RNGTT: variants seen among roughly 807,000 people sequenced by gnomAD.
The protein encoded by RNGTT is RNA guanylyltransferase and 5'-phosphatase.
Under a neutral mutation model 79.3 loss-of-function variants are expected in RNGTT, and 33 were observed. The observed-to-expected ratio is 0.42, with a 90% CI of 0.32 to 0.56. The LOEUF (loss-of-function observed/expected upper bound fraction) is 0.56. Ranked by LOEUF, RNGTT falls within the 20% of genes least tolerant of loss-of-function variation. The probability of loss-of-function intolerance (pLI) is 0.17; values close to 1 mark genes in which losing one functional copy is unlikely to be tolerated. For missense variants in RNGTT, 497 were observed against 739.1 expected (o/e 0.67, Z 3.80); for synonymous variants, 222 against 235.9 (o/e 0.94, Z 0.54).
At chr6:88,618,958 C>T (rs375195200) in intron 14 of RNGTT, among the ~76,000 whole-genome samples, 49 of 152,184 alleles carry the variant, frequency 3.2e-4, no homozygotes, top group African/African-American at 1.2e-3. Flanking sequence ...AGATTTGTCC[C>T]TTCTCCCCTA....
intron 11 of RNGTT, among the ~76,000 whole-genome samples, chr6:88,802,316 T>C (rs1779817279): frequency 6.7e-6 from 1 of 149,070 alleles, no homozygotes; most frequent in Non-Finnish European, 1.5e-5. Context: ...GAGAATTTCA[T>C]TGCAAAGAAT....
intron 9 of RNGTT, among the ~76,000 whole-genome samples, chr6:88,851,378 C>T (rs540428559): frequency 4.2e-4 from 64 of 151,840 alleles, no homozygotes; most frequent in Non-Finnish European, 6.5e-4. Context: ...TATAAAATGT[C>T]ATCTCTTGAT....
At chr6:88,804,948 C>T (rs9362562) in intron 11 of RNGTT, among the ~76,000 whole-genome samples, 2,496 of 152,282 alleles carry the variant, frequency 0.016, 28 homozygotes, top group East Asian at 0.051. Flanking sequence ...TCATTCATTC[C>T]ATAGATCTAT....
chr6:88,696,229 C>T (rs886752912), intron 13 of RNGTT, among the ~76,000 whole-genome samples: 2 of 152,118 alleles, frequency 1.3e-5, no homozygotes, highest in Non-Finnish European at 2.9e-5. Flanking sequence ...ACTTTGTATA[C>T]ATATAACATC....
intron 13 of RNGTT, among the ~76,000 whole-genome samples, chr6:88,704,259 CAAA>C (rs35623392): frequency 1.4e-4 from 7 of 48,732 alleles, no homozygotes; most frequent in East Asian, 1.2e-3. Context: ...GACTCTGTCT[CAAA>C]AAAAAAAAAA....
intron 11 of RNGTT, among the ~76,000 whole-genome samples, chr6:88,803,459 AGCTACTACTCACAAGGCCGAG>A (rs1464111887): frequency 1.3e-5 from 2 of 151,526 alleles, no homozygotes; most frequent in Admixed American, 1.3e-4. Flanking sequence ...CTGTAGTCCC[AGCTACTACTCACAAGGCCGAG>A]GCAGGAGAAT....
intron 13 of RNGTT, among the ~76,000 whole-genome samples, chr6:88,696,050 CA>C (rs1775651932): frequency 6.6e-6 from 1 of 152,134 alleles, no homozygotes; most frequent in Admixed American, 6.6e-5. Context: ...TTCAATTAGA[CA>C]AGAAGAAAAA....
chr6:88,901,941 C>T, intron 6 of RNGTT, among the ~76,000 whole-genome samples: 1 of 152,156 alleles, frequency 6.6e-6, no homozygotes, highest in Non-Finnish European at 1.5e-5. Flanking sequence ...AGAAGGAAAA[C>T]TATCCAAAAT....
At chr6:88,661,198 C>T (rs183080904) in intron 14 of RNGTT, among the ~76,000 whole-genome samples, 88 of 152,138 alleles carry the variant, frequency 5.8e-4, no homozygotes, top group Middle Eastern at 3.4e-3. Context: ...TAGCATTAAA[C>T]GCCTACATCA....
Position 88,735,197 on chromosome 6 carries a change from G to T in RNGTT, c.1439+34577C>A, listed in dbSNP as rs147990614. On this transcript the variant is annotated intron_variant, in intron 13 of 15. Transcript: ENST00000369485. ...AAAATATATGAGGCAAAAACTAATG[G>T]AATTAAAAGAGAAGCAAATCCACTG... is the stretch of plus-strand genomic sequence containing the variant. Among the ~76,000 whole-genome samples, 891 of 152,092 alleles carry T rather than the reference G, an allele frequency of 5.9e-3. 15 individuals carry two copies. Among genetic ancestry groups the T allele is most frequent in the African/African-American group, 0.02 (810 of 41,520 alleles).
intron 13 of RNGTT, among the ~76,000 whole-genome samples, chr6:88,723,973 C>T (rs1283926034): frequency 1.3e-5 from 2 of 152,292 alleles, no homozygotes; most frequent in Middle Eastern, 3.4e-3. Context: ...GATCCGCCTG[C>T]CTCAGCCTCC....
At chr6:88,843,487 G>C (rs1781371628) in intron 11 of RNGTT, among the ~76,000 whole-genome samples, 2 of 144,074 alleles carry the variant, frequency 1.4e-5, no homozygotes, top group Admixed American at 1.4e-4. Context: ...AAGCCATACT[G>C]TTAAGTGAAA....
At chr6:88,787,364 G>A (rs9344870) in intron 12 of RNGTT, among the ~76,000 whole-genome samples, 25,502 of 151,896 alleles carry the variant, frequency 0.17, 2,355 homozygotes, top group Middle Eastern at 0.26. Context: ...TCGATATGGA[G>A]AGAAGAAAAG....
intron 2 of RNGTT, 99 bp from the exon 3 acceptor site, chr6:88,929,366 T>C (rs1019694989): frequency 2.3e-5 from 16 of 708,636 alleles, no homozygotes; most frequent in South Asian, 3.7e-5. Flanking sequence ...TTCATTTACA[T>C]TGAGGGAGAT....
intron 1 of RNGTT, among the ~76,000 whole-genome samples, chr6:88,948,458 C>T (rs1582167116): frequency 2.8e-5 from 4 of 141,788 alleles, no homozygotes; most frequent in African/African-American, 1.0e-4. Context: ...GCCCCTCTGC[C>T]CGGCCAGCCG....
rs115091106 is a variant in RNGTT, at chr6:88,894,213, T to C, written c.685-2298A>G. 2.0e-3 allele frequency among the ~76,000 whole-genome samples: 306 copies of C among 152,342 alleles called. 1 individual carries two copies. The highest frequency in any genetic ancestry group is 6.8e-3 in the African/African-American group (282 of 41,576). ...CTTCCAAATCTTGAATTTGCATTTT[T>C]AACCAGTGTTAGAAAATCCTGTATT... On this transcript the variant is annotated intron_variant, in intron 6 of 15. Transcript: ENST00000369485.
At chr6:88,621,587 CTCTATT>C (rs1225401566) in intron 14 of RNGTT, among the ~76,000 whole-genome samples, 2 of 151,948 alleles carry the variant, frequency 1.3e-5, no homozygotes, top group African/African-American at 4.8e-5. Context: ...TGCATTTGTA[CTCTATT>C]TCTGAGTGAC....
At chr6:88,643,909 T>G (rs901777619) in intron 14 of RNGTT, among the ~76,000 whole-genome samples, 1 of 152,118 alleles carries the variant, frequency 6.6e-6, no homozygotes, top group African/African-American at 2.4e-5. Context: ...AGGAAAGATC[T>G]AAAATTGACA....
At chr6:88,633,862 G>A (rs1772996955) in intron 14 of RNGTT, among the ~76,000 whole-genome samples, 1 of 152,112 alleles carries the variant, frequency 6.6e-6, no homozygotes, top group Non-Finnish European at 1.5e-5. Flanking sequence ...ATCATCTACT[G>A]GGGAGAGGGG....
Sources: allele counts gnomAD v4.1 joint callset (sites outside exome capture counted in the v4.1 genomes callset), GRCh38; gene constraint gnomAD v4.1.1; transcripts MANE v1.5; gene names NCBI Gene and HGNC (gene_info 2026-07-23, HGNC 2026-07-21).